The following DCDC2C variants were observed in gnomAD, a reference collection of about 807,000 sequenced individuals.
DCDC2C encodes the protein doublecortin domain-containing protein 2C.
Under a neutral mutation model 45.0 loss-of-function variants are expected in DCDC2C, and 44 were observed. That is an observed-to-expected ratio of 0.98 (90% CI 0.77 to 1.26). The LOEUF (loss-of-function observed/expected upper bound fraction) is 1.26, where lower values mean the gene tolerates loss of function less well. Ranked by LOEUF, DCDC2C falls within the 50% of genes most tolerant of loss-of-function variation. The pLI, the probability that DCDC2C is intolerant of heterozygous loss-of-function variation, is 0.00. For synonymous variants in DCDC2C, 187 were observed against 178.8 expected (o/e 1.05, Z -0.37); for missense variants, 447 against 468.9 (o/e 0.95, Z 0.43).
intron 10 of DCDC2C, among the ~76,000 whole-genome samples, chr2:3,845,929 A>G (rs1672316725): frequency 6.6e-6 from 1 of 152,190 alleles, no homozygotes; most frequent in Admixed American, 6.5e-5. Flanking sequence ...AATGAGAATG[A>G]TAGTAGGATC....
intron 4 of DCDC2C, among the ~76,000 whole-genome samples, chr2:3,745,798 C>T (rs1217704773): frequency 6.6e-6 from 1 of 151,976 alleles, no homozygotes; most frequent in Non-Finnish European, 1.5e-5. Flanking sequence ...GAGCCTTGAC[C>T]TCCTGGGCTC....
chr2:3,758,381 T>C (rs966492592), intron 6 of DCDC2C, among the ~76,000 whole-genome samples: 1 of 152,246 alleles, frequency 6.6e-6, no homozygotes, highest in African/African-American at 2.4e-5. Flanking sequence ...GGGTTGATTC[T>C]GTACATGTTG....
rs1223347029 is a variant in DCDC2C, at chr2:3,818,603, G to A, written c.1066-28551G>A. 2.0e-5 allele frequency among the ~76,000 whole-genome samples: 3 copies of A among 152,170 alleles called. No individual in the cohort carries two copies. Among genetic ancestry groups the A allele is most frequent in the Admixed American group, 6.5e-5 (1 of 15,276 alleles). ...TTAAAAGGCCATGCTGTTAATAGGC[G>A]AGTGGTAACAGGCTTTAATCCTTTT... On this transcript the variant is annotated intron_variant, in intron 10 of 10. Coordinates refer to ENST00000399143, the MANE Select transcript of DCDC2C (RefSeq NM_001287444.2). This position sits in a 1 kb window ranked among gnomAD's most constrained non-coding sequence, Gnocchi z 4.7.
At chr2:3,788,417 T>C (rs1225911001) in intron 10 of DCDC2C, 2 of 152,278 alleles carry the variant, frequency 1.3e-5, no homozygotes, top group South Asian at 2.1e-4. Flanking sequence ...GATTATAATA[T>C]GAACATATCA....
rs528909673 is a variant in DCDC2C at position 3,818,900 on chromosome 2, G to A, written c.1066-28254G>A. ...CAGTTAATAAGGGAACTGGGCAGGT[G>A]GGGATAACTAAAAAGGAGTGCATAA... On this transcript the variant is annotated intron_variant, in intron 10 of 10. Coordinates refer to ENST00000399143, the MANE Select transcript of DCDC2C (RefSeq NM_001287444.2). The surrounding 1 kb of genome is among the most constrained non-coding windows in gnomAD (Gnocchi z 4.7). Among the ~76,000 whole-genome samples the A allele has an allele frequency of 6.6e-6, 1 of 152,276 alleles. No homozygotes were observed. The highest frequency in any genetic ancestry group is 2.1e-4 in the South Asian group (1 of 4,820).
intron 2 of DCDC2C, among the ~76,000 whole-genome samples, chr2:3,718,671 A>G (rs12995496): frequency 0.38 from 56,947 of 151,830 alleles, 11,513 homozygotes; most frequent in Non-Finnish European, 0.46. Context: ...AAATGAGCAG[A>G]CCCTCACTGA....
At chr2:3,748,878 C>G (rs567934273) in intron 4 of DCDC2C, among the ~76,000 whole-genome samples, 1 of 152,158 alleles carries the variant, frequency 6.6e-6, no homozygotes. Context: ...TGGGGGGAAA[C>G]TGGCTGAACT....
At chr2:3,721,313 C>T (rs886710224) in intron 2 of DCDC2C, among the ~76,000 whole-genome samples, 3 of 152,090 alleles carry the variant, frequency 2.0e-5, no homozygotes, top group Non-Finnish European at 4.4e-5. Flanking sequence ...GCAGCACCTG[C>T]TGCAGGGTTG....
At chr2:3,758,329 G>A (rs1669781622) in intron 6 of DCDC2C, among the ~76,000 whole-genome samples, 1 of 152,208 alleles carries the variant, frequency 6.6e-6, no homozygotes, top group South Asian at 2.1e-4. Context: ...AAACTTGGCT[G>A]TAGCTGCTCA....
At chr2:3,811,408 G>C (rs1316651783) in intron 10 of DCDC2C, among the ~76,000 whole-genome samples, 1 of 152,132 alleles carries the variant, frequency 6.6e-6, no homozygotes, top group African/African-American at 2.4e-5. Context: ...AAGAATCCTT[G>C]TGATTTTTGC....
intron 8 of DCDC2C, among the ~76,000 whole-genome samples, chr2:3,776,417 G>T (rs371906904): frequency 3.9e-5 from 6 of 152,032 alleles, no homozygotes; most frequent in African/African-American, 1.4e-4. Flanking sequence ...CAGCTCTTCC[G>T]CTCTGTGCCA....
intron 10 of DCDC2C, among the ~76,000 whole-genome samples, chr2:3,795,832 G>T (rs1670936597): frequency 7.3e-6 from 1 of 137,012 alleles, no homozygotes; most frequent in African/African-American, 2.8e-5. Context: ...TTTGGCTTAG[G>T]ATTGACGTGG....
At chr2:3,710,827 A>G (rs140317661) in intron 2 of DCDC2C, among the ~76,000 whole-genome samples, 77 of 152,274 alleles carry the variant, frequency 5.1e-4, no homozygotes, top group African/African-American at 1.7e-3. Flanking sequence ...TCCACGGTGT[A>G]TATGTACCAC....
At chr2:3,801,526 A>C (rs1671113223) in intron 10 of DCDC2C, among the ~76,000 whole-genome samples, 2 of 152,244 alleles carry the variant, frequency 1.3e-5, no homozygotes, top group African/African-American at 4.8e-5. Context: ...TAAGAAGAAA[A>C]AATCTCTAAA....
intron 10 of DCDC2C, among the ~76,000 whole-genome samples, chr2:3,800,516 C>G (rs909898340): frequency 6.6e-6 from 1 of 152,186 alleles, no homozygotes; most frequent in African/African-American, 2.4e-5. Context: ...CAAGAATTAG[C>G]AACTATAGTT....
chr2:3,724,405 C>T (rs926721026), intron 2 of DCDC2C, among the ~76,000 whole-genome samples: 1 of 152,178 alleles, frequency 6.6e-6, no homozygotes, highest in Non-Finnish European at 1.5e-5. Context: ...CACCCTTCTT[C>T]CAAAGCCCCC....
At chr2:3,831,661 A>G (rs1171491453) in intron 10 of DCDC2C, among the ~76,000 whole-genome samples, 1 of 152,234 alleles carries the variant, frequency 6.6e-6, no homozygotes, top group Non-Finnish European at 1.5e-5. Flanking sequence ...AATGTTAATC[A>G]GAGGAACTCA....
chr2:3,767,954 T>C, intron 7 of DCDC2C, 74 bp downstream of exon 7: 1 of 1,359,904 alleles, frequency 7.4e-7, no homozygotes, highest in South Asian at 1.8e-5. Context: ...TTTTTTTTTT[T>C]CAGAGAAATC....
At chr2:3,720,068 G>A (rs982528604) in intron 2 of DCDC2C, among the ~76,000 whole-genome samples, 22 of 152,248 alleles carry the variant, frequency 1.4e-4, no homozygotes, top group Non-Finnish European at 2.1e-4. Flanking sequence ...GGTGGGCTCT[G>A]TGTTGCCTGT....
Sources: gnomAD v4.1 joint callset for allele counts (sites outside exome capture counted in the v4.1 genomes callset) on GRCh38, gnomAD v4.1.1 for gene constraint, Gnocchi (gnomAD v3.1) non-coding constraint, MANE v1.5 for transcripts, NCBI Gene and HGNC (gene_info 2026-07-23, HGNC 2026-07-21) for gene names.